Variants in CD2AP observed in about 807,000 individuals in gnomAD.
CD2AP encodes CD2 associated protein, also known as CD2-associated protein.
Under a neutral mutation model 85.1 loss-of-function variants are expected in CD2AP, and 46 were observed. That is an observed-to-expected ratio of 0.54 (90% confidence interval 0.43 to 0.69). The LOEUF (loss-of-function observed/expected upper bound fraction) is 0.69. CD2AP is among the 30% of genes least tolerant of loss of function. The probability of loss-of-function intolerance (pLI) is 0.00; values close to 1 mark genes in which losing one functional copy is unlikely to be tolerated. For missense variants in CD2AP, 769 were observed against 729.5 expected (o/e 1.05, Z -0.62); for synonymous variants, 255 against 252.9 (o/e 1.01, Z -0.08).
chr6:47,485,170 A>G (rs1582463317), intron 1 of CD2AP, among the ~76,000 whole-genome samples: 1 of 152,226 alleles, frequency 6.6e-6, no homozygotes, highest in African/African-American at 2.4e-5. Context: ...TACAGAGTAC[A>G]TCTTCTACTT....
At chr6:47,487,888 A>T (rs889739058) in intron 1 of CD2AP, among the ~76,000 whole-genome samples, 4 of 152,196 alleles carry the variant, frequency 2.6e-5, no homozygotes, top group African/African-American at 9.6e-5. Flanking sequence ...ATTCAGTAAT[A>T]CTTTAATTTG....
At chr6:47,623,422 C>A (rs1769816630) in intron 17 of CD2AP, among the ~76,000 whole-genome samples, 1 of 152,132 alleles carries the variant, frequency 6.6e-6, no homozygotes, top group South Asian at 2.1e-4. Context: ...AAACCATGGG[C>A]TTTAAAGCCC....
chr6:47,606,049 C>T lies in CD2AP; in HGVS notation c.1418-116C>T, dbSNP rs570869462. ...AAAAGCACAGGTCAATTTGTGAGTT[C>T]TTCAAAGTAGTGGTACTCTTTTTAA... On this transcript the variant is annotated intron_variant, in intron 13 of 17. Coordinates refer to ENST00000359314, the MANE Select transcript of CD2AP (RefSeq NM_012120.3). 18 of 641,346 alleles carry T rather than the reference C, an allele frequency of 2.8e-5. No homozygotes were observed. The East Asian group carries it at 4.7e-4, about 17-fold the overall frequency. 39.7% of individuals were successfully genotyped at this position (641,346 alleles called of 1,614,324 possible).
intron 2 of CD2AP, among the ~76,000 whole-genome samples, chr6:47,520,450 C>G (rs947240137): frequency 6.6e-6 from 1 of 152,186 alleles, no homozygotes; most frequent in South Asian, 2.1e-4. Context: ...TCCATCGATA[C>G]CTGCCTTGGC....
intron 2 of CD2AP, among the ~76,000 whole-genome samples, chr6:47,518,351 C>T (rs1165431810): frequency 8.5e-5 from 13 of 152,186 alleles, no homozygotes; most frequent in Non-Finnish European, 1.9e-4. Flanking sequence ...TCATTATCTG[C>T]AAAAGTTAGT....
At chr6:47,543,826 A>G (rs915175545) in intron 3 of CD2AP, among the ~76,000 whole-genome samples, 11 of 152,184 alleles carry the variant, frequency 7.2e-5, no homozygotes, top group African/African-American at 2.4e-4. Flanking sequence ...TAGTAAGTAG[A>G]TGTGGGGTGG....
At chr6:47,598,837 A>G (rs1769024803) in intron 12 of CD2AP, among the ~76,000 whole-genome samples, 2 of 150,588 alleles carry the variant, frequency 1.3e-5, no homozygotes, top group South Asian at 4.2e-4. Context: ...CCAGAATCTT[A>G]GAAATCACCA....
intron 16 of CD2AP, among the ~76,000 whole-genome samples, chr6:47,610,964 T>TAC (rs1769416414): frequency 1.0e-5 from 1 of 98,130 alleles, no homozygotes; most frequent in African/African-American, 4.1e-5. Flanking sequence ...TATATATATA[T>TAC]ATATGTATTT....
intron 2 of CD2AP, among the ~76,000 whole-genome samples, chr6:47,516,813 A>G (rs1766462843): frequency 6.6e-6 from 1 of 152,226 alleles, no homozygotes. Context: ...AGATGTAAAT[A>G]GGAAAGTCAT....
At chr6:47,602,340 A>G (rs1769163792) in intron 13 of CD2AP, among the ~76,000 whole-genome samples, 1 of 151,894 alleles carries the variant, frequency 6.6e-6, no homozygotes, top group Non-Finnish European at 1.5e-5. Flanking sequence ...TTTTTTCTCT[A>G]TTACAAACAC....
chr6:47,509,562 C>T (rs1301388925), intron 2 of CD2AP, among the ~76,000 whole-genome samples: 3 of 152,148 alleles, frequency 2.0e-5, no homozygotes, highest in African/African-American at 4.8e-5. Flanking sequence ...CTTGAAACAA[C>T]AGAGAGAGGC....
intron 17 of CD2AP, 124 bp from the exon 18 acceptor site, chr6:47,624,062 A>G: frequency 1.3e-6 from 1 of 790,822 alleles, no homozygotes; most frequent in Middle Eastern, 3.4e-4. Context: ...GGGAAACTGG[A>G]TTTTAGGTCT....
intron 2 of CD2AP, among the ~76,000 whole-genome samples, chr6:47,527,026 T>C (rs1043011524): frequency 8.5e-5 from 13 of 152,180 alleles, no homozygotes; most frequent in African/African-American, 2.9e-4. Context: ...CAGGGAAATA[T>C]TTGTGTATCT....
At position 47,554,719 on chromosome 6, in the gene CD2AP, T is replaced by C; in HGVS notation, c.494T>C (p.Leu165Ser). The C allele has an allele frequency of 6.2e-7, 1 of 1,613,652 alleles. No individual in the cohort carries two copies. Among genetic ancestry groups the C allele is most frequent in the South Asian group, 1.1e-5 (1 of 91,046 alleles). ...GLFPSNFVKE[L>S]EVTDDGETHE... ...TTTCCCTCAAATTTTGTGAAAGAATTAGAGGTAACAGATGATGGTGAAACT... is the reference window on the plus strand; with the variant it reads ...TTTCCCTCAAATTTTGTGAAAGAATCAGAGGTAACAGATGATGGTGAAACT... The change falls in exon 5 of 18, where the codon TTA becomes TCA. Residue 165 changes from leucine (L) to serine (S), a missense_variant. Transcript: ENST00000359314.
intron 5 of CD2AP, among the ~76,000 whole-genome samples, chr6:47,570,811 A>G (rs1237732658): frequency 2.0e-5 from 3 of 152,170 alleles, no homozygotes; most frequent in Non-Finnish European, 4.4e-5. Context: ...ATTCGACCCT[A>G]GAGTTCATAT....
At chr6:47,620,088 G>T (rs1769705286) in intron 17 of CD2AP, among the ~76,000 whole-genome samples, 1 of 152,106 alleles carries the variant, frequency 6.6e-6, no homozygotes, top group Non-Finnish European at 1.5e-5. Flanking sequence ...ATTTATCTTT[G>T]TTTTTATTGC....
chr6:47,562,855 G>A (rs1181362942), intron 5 of CD2AP: 3 of 874,552 alleles, frequency 3.4e-6, no homozygotes, highest in Non-Finnish European at 5.7e-6. Context: ...CCTAATGAAG[G>A]TTGATGACAA....
intron 5 of CD2AP, 94 bp downstream of exon 5, chr6:47,554,860 T>G: frequency 7.7e-7 from 1 of 1,291,538 alleles, no homozygotes. Context: ...TGTTCTTTCT[T>G]TTGAACTTTG....
intron 2 of CD2AP, among the ~76,000 whole-genome samples, chr6:47,528,941 T>C (rs1481100370): frequency 1.3e-5 from 2 of 152,208 alleles, no homozygotes; most frequent in Admixed American, 1.3e-4. Flanking sequence ...TCTCCCATTA[T>C]GTGGCTTATC....
Sources: gnomAD v4.1 joint callset for allele counts (sites outside exome capture counted in the v4.1 genomes callset) on GRCh38, gnomAD v4.1.1 for gene constraint, MANE v1.5 for transcripts, NCBI Gene and HGNC (gene_info 2026-07-23, HGNC 2026-07-21) for gene names.